PALM2AKAP2: variants seen among roughly 807,000 people sequenced by gnomAD.
PALM2AKAP2 encodes the protein PALM2-AKAP2 fusion protein.
A neutral mutation model predicts 71.5 loss-of-function variants in PALM2AKAP2; 37 were observed. The ratio of observed to expected loss-of-function variants is 0.52; its 90% CI spans 0.40 to 0.68. The LOEUF is 0.68. Among genes scored for constraint, PALM2AKAP2 ranks in the 30% least tolerant of loss-of-function variants. The pLI, the probability that PALM2AKAP2 is intolerant of heterozygous loss-of-function variation, is 0.00. For missense variants in PALM2AKAP2, 1,224 were observed against 1,191.8 expected (o/e 1.03, Z -0.40); for synonymous variants, 468 against 478.8 (o/e 0.98, Z 0.29).
intron 1 of PALM2AKAP2, among the ~76,000 whole-genome samples, chr9:109,864,530 TC>T (rs1418911061): frequency 6.6e-6 from 1 of 152,188 alleles, no homozygotes; most frequent in Non-Finnish European, 1.5e-5. Flanking sequence ...GAATGGAACA[TC>T]CTCCTAAGGC....
intron 4 of PALM2AKAP2, 32 bp from the exon 5 acceptor site, chr9:109,925,029 A>C: frequency 6.2e-7 from 1 of 1,614,128 alleles, no homozygotes. Flanking sequence ...CCACATGTAG[A>C]GTAACGCTCT....
chr9:109,879,344 T>C (rs1379030953), intron 2 of PALM2AKAP2, among the ~76,000 whole-genome samples: 1 of 152,200 alleles, frequency 6.6e-6, no homozygotes, highest in African/African-American at 2.4e-5. Flanking sequence ...TTTCGTTGCT[T>C]ACTATTTCTG....
At chr9:110,051,174 CATT>C (rs1314592856) in intron 1 of PALM2AKAP2, among the ~76,000 whole-genome samples, 2 of 152,198 alleles carry the variant, frequency 1.3e-5, no homozygotes, top group Non-Finnish European at 2.9e-5. Context: ...TTGAAATACT[CATT>C]ATCTCATAGT....
chr9:110,162,281 T>G, intron 3 of PALM2AKAP2, 149 bp downstream of exon 10: 1 of 1,225,960 alleles, frequency 8.2e-7, no homozygotes, highest in Admixed American at 1.7e-5. Context: ...TTCTGAAATA[T>G]GGGACTGCCT....
At chr9:110,050,537 C>T (rs1833689085) in intron 1 of PALM2AKAP2, among the ~76,000 whole-genome samples, 1 of 152,202 alleles carries the variant, frequency 6.6e-6, no homozygotes, top group South Asian at 2.1e-4. Context: ...AAGACTTGGC[C>T]TAAAGAGTGT....
chr9:110,127,072 A>G (rs1835623389), intron 1 of PALM2AKAP2, among the ~76,000 whole-genome samples: 1 of 152,198 alleles, frequency 6.6e-6, no homozygotes, highest in African/African-American at 2.4e-5. Context: ...GACAGAGAGA[A>G]TAGCAGAACA....
At chr9:109,820,490 G>A (rs79806876) in intron 1 of PALM2AKAP2, among the ~76,000 whole-genome samples, 9,251 of 152,294 alleles carry the variant, frequency 0.061, 373 homozygotes, top group South Asian at 0.079. Context: ...TAAGGCCCTT[G>A]GGCAAAGGAG....
intron 1 of PALM2AKAP2, among the ~76,000 whole-genome samples, chr9:109,829,203 C>G (rs1828232462): frequency 6.6e-6 from 1 of 152,182 alleles, no homozygotes; most frequent in Non-Finnish European, 1.5e-5. Context: ...CCCTGAGACG[C>G]TCACCTCACT....
chr9:109,858,954 T>C (rs7875145), intron 1 of PALM2AKAP2, among the ~76,000 whole-genome samples: 43,606 of 151,988 alleles, frequency 0.29, 6,672 homozygotes, highest in East Asian at 0.46. Flanking sequence ...AAAACAGACT[T>C]AAGATATAAC....
chr9:110,083,162 A>G (rs891875785), intron 1 of PALM2AKAP2, among the ~76,000 whole-genome samples: 4 of 152,082 alleles, frequency 2.6e-5, no homozygotes, highest in Non-Finnish European at 5.9e-5. Context: ...AAAAAACAAA[A>G]AACAAAAACA....
At chr9:110,038,859 T>C (rs1207083870) in intron 7 of PALM2AKAP2, among the ~76,000 whole-genome samples, 1 of 138,738 alleles carries the variant, frequency 7.2e-6, no homozygotes, top group Non-Finnish European at 1.5e-5. Flanking sequence ...GAGAATTGCT[T>C]GAACGTGGGA....
chr9:109,754,543 C>G (rs1281235203), intron 1 of PALM2AKAP2, among the ~76,000 whole-genome samples: 2 of 152,108 alleles, frequency 1.3e-5, no homozygotes, highest in Non-Finnish European at 2.9e-5. Flanking sequence ...TTCCTCCTTC[C>G]CATCTGTCTT....
At chr9:110,170,260 G>GT (rs1047332743) in exon 4 of PALM2AKAP2, 3 of 152,108 alleles carry the variant, frequency 2.0e-5, no homozygotes, top group Non-Finnish European at 4.4e-5. Context: ...TAAAACTGTG[G>GT]TTTTTTAAAA....
chr9:109,745,793 A>G (rs1828791323), intron 1 of PALM2AKAP2, among the ~76,000 whole-genome samples: 1 of 152,204 alleles, frequency 6.6e-6, no homozygotes, highest in Admixed American at 6.5e-5. Flanking sequence ...TGATTTACGC[A>G]ATGGTCTGGG....
chr9:110,167,495 C>T (rs1836767758), intron 3 of PALM2AKAP2, among the ~76,000 whole-genome samples: 1 of 125,378 alleles, frequency 8.0e-6, no homozygotes, highest in Non-Finnish European at 1.7e-5. Context: ...CAAACTGAAA[C>T]TGGACCAGAT....
chr9:109,953,193 T>C (rs1831676111), intron 6 of PALM2AKAP2, among the ~76,000 whole-genome samples: 1 of 152,232 alleles, frequency 6.6e-6, no homozygotes, highest in African/African-American at 2.4e-5. Flanking sequence ...CTGGGGATTA[T>C]ATCTCATCAT....
chr9:109,919,031 A>C (rs1830760442), intron 3 of PALM2AKAP2, among the ~76,000 whole-genome samples: 1 of 152,220 alleles, frequency 6.6e-6, no homozygotes, highest in African/African-American at 2.4e-5. Flanking sequence ...GCCAGTGGGC[A>C]TCAGGTCGCA....
At chr9:109,843,753 CA>C (rs1352058265) in intron 1 of PALM2AKAP2, among the ~76,000 whole-genome samples, 6 of 152,172 alleles carry the variant, frequency 3.9e-5, no homozygotes, top group Admixed American at 6.5e-5. Flanking sequence ...AGGTGCATCT[CA>C]AACTAGCTGG....
Position 109,699,967 on chromosome 9 carries a change from A to G in PALM2AKAP2, c.5+59101A>G, listed in dbSNP as rs143571001. ...ATTTTTGTATTTTTAGTAGAGACAG[A>G]GTTTCACCATGTTGGCCAGGATGAT... On this transcript the variant is annotated intron_variant, in intron 1 of 6. Transcript: ENST00000374531. Among the ~76,000 whole-genome samples the G allele has an allele frequency of 5.1e-3, 768 of 152,040 alleles. 12 individuals carry two copies. The highest frequency in any genetic ancestry group is 0.018 in the African/African-American group (728 of 41,482).
Sources: allele counts gnomAD v4.1 joint callset (sites outside exome capture counted in the v4.1 genomes callset), GRCh38; gene constraint gnomAD v4.1.1; transcripts MANE v1.5; gene names NCBI Gene and HGNC (gene_info 2026-07-23, HGNC 2026-07-21).